The following PCYT1A variants were observed in gnomAD, a reference collection of about 807,000 sequenced individuals.
PCYT1A encodes choline-phosphate cytidylyltransferase A.
Under a neutral mutation model 43.7 loss-of-function variants are expected in PCYT1A, and 25 were observed. That is an observed-to-expected ratio of 0.57 (90% CI 0.42 to 0.80). The LOEUF is 0.80. Among genes scored for constraint, PCYT1A ranks in the 30% least tolerant of loss-of-function variants. The probability of loss-of-function intolerance (pLI) is 0.00; values close to 1 mark genes in which losing one functional copy is unlikely to be tolerated. For synonymous variants in PCYT1A, 172 were observed against 170.7 expected, an observed-to-expected ratio of 1.01 and a Z score of -0.06; for missense variants, 421 against 474.2, an observed-to-expected ratio of 0.89 and a Z score of 1.04.
At chr3:196,259,649 G>A (rs1295596509) in intron 2 of PCYT1A, among the ~76,000 whole-genome samples, 1 of 151,908 alleles carries the variant, frequency 6.6e-6, no homozygotes, top group Non-Finnish European at 1.5e-5. Flanking sequence ...TTCAAGACCA[G>A]CCTGGGCAAC....
chr3:196,278,115 A>G (rs1393790123), intron 1 of PCYT1A, among the ~76,000 whole-genome samples: 1 of 152,098 alleles, frequency 6.6e-6, no homozygotes, highest in Non-Finnish European at 1.5e-5. Context: ...AAGTGTAGAG[A>G]AAAGGTGTGT....
chr3:196,263,263 G>C (rs1725169280), intron 2 of PCYT1A, among the ~76,000 whole-genome samples: 2 of 152,020 alleles, frequency 1.3e-5, no homozygotes, highest in South Asian at 4.1e-4. Flanking sequence ...TGCCCAGGTT[G>C]GAATGCAGCA....
intron 2 of PCYT1A, among the ~76,000 whole-genome samples, chr3:196,260,830 A>G (rs1725089698): frequency 6.6e-6 from 1 of 152,108 alleles, no homozygotes; most frequent in South Asian, 2.1e-4. Context: ...ATAGAGAAAG[A>G]CTCTGCCTCA....
rs1724620469 is a variant in PCYT1A at position 196,247,910 on chromosome 3, A to C, written c.334+297T>G. 4.1e-6 allele frequency: 2 copies of C among 489,260 alleles called. No homozygotes were observed. The highest frequency in any genetic ancestry group is 7.5e-6 in the Non-Finnish European group (2 of 268,324). The allele number at this position is 489,260 out of a possible 1,614,324, so 30.3% of individuals were successfully genotyped here. ...GTACTCCAGTTAATTCAAAATGATA[A>C]ACTGAAATCTAAAGCAAATGTTTTA... On this transcript the variant is annotated intron_variant, in intron 4 of 8. Coordinates refer to ENST00000431016, the MANE Select transcript of PCYT1A (RefSeq NM_001312673.2). This position sits in a 1 kb window ranked among gnomAD's most constrained non-coding sequence, Gnocchi z 4.8.
At position 196,248,217 on chromosome 3, in the gene PCYT1A, G is replaced by A. The variant is rs1263940946; in HGVS notation, c.324C>T (p.Leu108=). The change falls in exon 4 of 9, where the codon CTC becomes CTT. Residue 108 remains leucine, a synonymous_variant. Coordinates refer to ENST00000431016, the MANE Select transcript of PCYT1A (RefSeq NM_001312673.2). ...CAAATGTTTTCTTACCTCCCACAATGAGGTACGTATTAGGGAAAAGGTTCT... is the reference window on the plus strand; with the variant it reads ...CAAATGTTTTCTTACCTCCCACAATAAGGTACGTATTAGGGAAAAGGTTCT... The part of the protein sequence containing the change: ...QAKNLFPNTY[L]IVGVCSDELT... 1.9e-6 allele frequency: 3 copies of A among 1,586,204 alleles called. No homozygotes were observed. The highest frequency in any genetic ancestry group is 1.7e-5 in the Admixed American group (1 of 59,954).
rs1724380768 is a variant in PCYT1A, at chr3:196,242,278, G to A, written c.566-188C>T. ...AATCAAAGGCCAGAGGTAAGGCAAA[G>A]AAGAGTTACATAGCCCTAATATTAA... On this transcript the variant is annotated intron_variant, in intron 6 of 8. Transcript: ENST00000431016. The surrounding 1 kb of genome is among the most constrained non-coding windows in gnomAD (Gnocchi z 4.2). The A allele has an allele frequency of 4.6e-6, 3 of 653,866 alleles. No homozygotes were observed. The highest frequency in any genetic ancestry group is 2.5e-5 in the Admixed American group (1 of 39,602). The allele number at this position is 653,866 out of a possible 1,614,324, so 40.5% of individuals were successfully genotyped here.
intron 1 of PCYT1A, among the ~76,000 whole-genome samples, chr3:196,283,121 T>G (rs1280139380): frequency 6.6e-6 from 1 of 152,206 alleles, no homozygotes; most frequent in East Asian, 1.9e-4. Context: ...ATGGATCACT[T>G]GAGGTCTGGA....
In PCYT1A at chr3:196,238,689, T is replaced by C. The variant is rs1724251301; in HGVS notation, c.1103A>G (p.Ter368=). The C allele has an allele frequency of 2.0e-6, 3 of 1,519,444 alleles. No individual in the cohort carries two copies. The highest frequency in any genetic ancestry group is 2.1e-5 in the Admixed American group (1 of 46,636). The allele number at this position is 1,519,444 out of a possible 1,614,324, so 94.1% of individuals were successfully genotyped here. A position where few individuals can be genotyped will look rare whatever the true frequency, so the allele number is the denominator to read the frequency against. Residue 368 remains the stop codon, a stop_retained_variant, in exon 9 of 9, where the codon TAA becomes TGA. Coordinates refer to ENST00000431016, the MANE Select transcript of PCYT1A (RefSeq NM_001312673.2). The stretch of plus-strand genomic sequence containing the variant: ...GGACAGGAAAGGAGGGAGGAAACAT[T>C]AGTCTTCTTCATCCTCACTGATATC... The part of the protein sequence containing the change: ...AYDISEDEED[*]
At chr3:196,246,903 C>T (rs967158956) in intron 5 of PCYT1A, among the ~76,000 whole-genome samples, 2 of 147,728 alleles carry the variant, frequency 1.4e-5, no homozygotes, top group African/African-American at 5.1e-5. Flanking sequence ...TAATTTGTGG[C>T]GAGTTCAGTT....
chr3:196,247,274 C>G lies in PCYT1A; in HGVS notation c.486+93G>C. 4 of 1,307,726 alleles carry G rather than the reference C, an allele frequency of 3.1e-6. No individual in the cohort carries two copies. In the South Asian group the frequency reaches 5.1e-5, roughly 17 times the overall value. 81.0% of individuals were successfully genotyped at this position (1,307,726 alleles called of 1,614,324 possible). On this transcript the variant is annotated intron_variant, in intron 5 of 8. Transcript: ENST00000431016. The surrounding 1 kb of genome is among the most constrained non-coding windows in gnomAD (Gnocchi z 4.8). ...ACTTACATAAGAGGTAGAAGTAAAA[C>G]ACGGCTAGTGGAAAACCAGCCTACG...
At chr3:196,260,102 T>C (rs1725065973) in intron 2 of PCYT1A, among the ~76,000 whole-genome samples, 1 of 151,536 alleles carries the variant, frequency 6.6e-6, no homozygotes, top group Admixed American at 6.6e-5. Context: ...TTTGGATTTT[T>C]AGTAGAGACA....
In PCYT1A at chr3:196,247,625, T is replaced by G; in HGVS notation, c.335-107A>C. 1 of 1,114,020 alleles carries G rather than the reference T, an allele frequency of 9.0e-7. No individual in the cohort carries two copies. The highest frequency in any genetic ancestry group is 1.4e-6 in the Non-Finnish European group (1 of 736,364). The allele number at this position is 1,114,020 out of a possible 1,614,324, so 69.0% of individuals were successfully genotyped here. On this transcript the variant is annotated intron_variant, in intron 4 of 8. Coordinates refer to ENST00000431016, the MANE Select transcript of PCYT1A (RefSeq NM_001312673.2). This position sits in a 1 kb window ranked among gnomAD's most constrained non-coding sequence, Gnocchi z 4.8. Reference sequence around the variant, plus strand: ...CCACTGCTTAGGACTGCAACCATCTTCCCCAACTGGAAAAAAGTCTTCTAA... The same window carrying G: ...CCACTGCTTAGGACTGCAACCATCTGCCCCAACTGGAAAAAAGTCTTCTAA...
intron 5 of PCYT1A, among the ~76,000 whole-genome samples, chr3:196,246,967 G>A (rs963911036): frequency 1.0e-4 from 15 of 150,402 alleles, no homozygotes; most frequent in African/African-American, 3.7e-4. Flanking sequence ...AGCCCTGCCA[G>A]TGGTGTAACT....
In PCYT1A at chr3:196,248,293, C is replaced by A; in HGVS notation, c.248G>T (p.Gly83Val). ...ACCAGAGTGAAATAAGTCAAATATT[C>A]CATCGGCATAAACTCTCACAGGTCG... is the stretch of plus-strand genomic sequence containing the variant. ...CERPVRVYAD[G>V]IFDLFHSGHA... Residue 83 changes from glycine (G) to valine (V), a missense_variant, in exon 4 of 9, where the codon GGA becomes GTA. Gly to Val is a moderately radical substitution (Grantham distance 109, BLOSUM62 -3). Coordinates refer to ENST00000431016, the MANE Select transcript of PCYT1A (RefSeq NM_001312673.2). 6.2e-7 allele frequency: 1 copy of A among 1,612,338 alleles called. No homozygotes were observed. The highest frequency in any genetic ancestry group is 8.5e-7 in the Non-Finnish European group (1 of 1,178,374).
At chr3:196,272,788 T>G (rs1725472995) in intron 1 of PCYT1A, among the ~76,000 whole-genome samples, 1 of 152,230 alleles carries the variant, frequency 6.6e-6, no homozygotes, top group Non-Finnish European at 1.5e-5. Flanking sequence ...AACTAGCTAT[T>G]ACAGCAAAGT....
At chr3:196,245,771 G>A (rs1421366272) in intron 5 of PCYT1A, among the ~76,000 whole-genome samples, 2 of 152,042 alleles carry the variant, frequency 1.3e-5, no homozygotes, top group Non-Finnish European at 2.9e-5. Flanking sequence ...CCAAAACGGC[G>A]AAACACTGCC....
chr3:196,263,654 G>T (rs904205055), intron 2 of PCYT1A, among the ~76,000 whole-genome samples: 2 of 152,088 alleles, frequency 1.3e-5, no homozygotes, highest in African/African-American at 4.8e-5. Flanking sequence ...TTTGTTTTGA[G>T]ACAGAGTCTT....
chr3:196,247,377 G>T lies in PCYT1A; in HGVS notation c.476C>A (p.Ala159Asp). ...TGTCCAGTTTCTTACCCGGTGTTCG[G>T]CCAGGAACTCGGGTGTCAGCGTCCA... The part of the protein sequence containing the change: ...APWTLTPEFL[A>D]EHRIDFVAHD... The change falls in exon 5 of 9, where the codon GCC becomes GAC. Residue 159 changes from alanine (A) to aspartate (D), a missense_variant. Ala to Asp is a moderately radical substitution (Grantham distance 126). Around this residue, in one of 3 missense-constraint regions of PCYT1A, gnomAD observed 174 missense variants for 270.7 expected, o/e 0.64. Coordinates refer to ENST00000431016, the MANE Select transcript of PCYT1A (RefSeq NM_001312673.2). The surrounding 1 kb of genome is among the most constrained non-coding windows in gnomAD (Gnocchi z 4.8). 5 of 1,614,014 alleles carry T rather than the reference G, an allele frequency of 3.1e-6. No homozygotes were observed. The highest frequency in any genetic ancestry group is 4.2e-6 in the Non-Finnish European group (5 of 1,180,004).
rs1724133444 is a variant in PCYT1A, at chr3:196,235,485, G to C, written c.*3203C>G. Reference sequence around the variant, plus strand: ...AGCAATATAATGGTCTTTGGCTCTAGCTATCAGCAATAGCTGCAAGAGCAC... The same window carrying C: ...AGCAATATAATGGTCTTTGGCTCTACCTATCAGCAATAGCTGCAAGAGCAC... On this transcript the variant is annotated 3_prime_UTR_variant, in exon 9 of 9. Transcript: ENST00000431016. This position sits in a 1 kb window ranked among gnomAD's most constrained non-coding sequence, Gnocchi z 4.3. 6.6e-6 allele frequency: 1 copy of C among 152,198 alleles called. No individual in the cohort carries two copies. Among genetic ancestry groups the C allele is most frequent in the African/African-American group, 2.4e-5 (1 of 41,440 alleles). The allele number at this position is 152,198 out of a possible 1,614,324, so 9.4% of individuals were successfully genotyped here. A position where few individuals can be genotyped will look rare whatever the true frequency, so the allele number is the denominator to read the frequency against.
Sources: gnomAD v4.1 joint callset for allele counts (sites outside exome capture counted in the v4.1 genomes callset) on GRCh38, gnomAD v4.1.1 for gene constraint, gnomAD v4.1.1 regional missense constraint, Gnocchi (gnomAD v3.1) non-coding constraint, MANE v1.5 for transcripts, NCBI Gene and HGNC (gene_info 2026-07-23, HGNC 2026-07-21) for gene names.